PRKN: variants seen among roughly 807,000 people sequenced by gnomAD.
The protein encoded by PRKN is parkin RBR E3 ubiquitin protein ligase.
In PRKN, 56 loss-of-function variants were observed where a neutral mutation model predicts 59.5. The ratio of observed to expected loss-of-function variants is 0.94; its 90% CI spans 0.76 to 1.18. The LOEUF (loss-of-function observed/expected upper bound fraction) is 1.18, where lower values mean the gene tolerates loss of function less well. Among genes scored for constraint, PRKN ranks in the 50% most tolerant of loss-of-function variants. PRKN has a pLI of 0.00. For missense variants in PRKN, 657 were observed against 596.4 expected (o/e 1.10, Z -1.06); for synonymous variants, 250 against 222.1 (o/e 1.13, Z -1.12).
At chr6:161,746,839 T>C (rs1445378311) in intron 7 of PRKN, among the ~76,000 whole-genome samples, 2 of 149,352 alleles carry the variant, frequency 1.3e-5, no homozygotes, top group Non-Finnish European at 1.5e-5. Flanking sequence ...TATATGTATA[T>C]ATCTATATGT....
At chr6:162,109,366 A>G (rs61512221) in intron 4 of PRKN, among the ~76,000 whole-genome samples, 2,759 of 152,338 alleles carry the variant, frequency 0.018, 75 homozygotes, top group African/African-American at 0.063. Flanking sequence ...AAAATCCACT[A>G]GAAAATACAA....
At position 161,952,886 on chromosome 6, in the gene PRKN, G is replaced by C. The variant is rs114913944; in HGVS notation, c.734+20416C>G. Among the ~76,000 whole-genome samples the C allele has an allele frequency of 9.5e-3, 1,443 of 152,246 alleles. 30 individuals are homozygous for C. The highest frequency in any genetic ancestry group is 0.033 in the African/African-American group (1,356 of 41,546). ...AATTGAGGTAATCAGGAGGATCAAAGAATCACATGTATAAAACAATGAAAG... is the reference window on the plus strand; with the variant it reads ...AATTGAGGTAATCAGGAGGATCAAACAATCACATGTATAAAACAATGAAAG... On this transcript the variant is annotated intron_variant, in intron 6 of 11. Transcript: ENST00000366898.
At chr6:162,640,120 G>A (rs980844464) in intron 1 of PRKN, among the ~76,000 whole-genome samples, 3 of 152,046 alleles carry the variant, frequency 2.0e-5, no homozygotes, top group African/African-American at 7.2e-5. Flanking sequence ...TGAAGCTGAT[G>A]CTCTGTAAGC....
intron 1 of PRKN, among the ~76,000 whole-genome samples, chr6:162,695,507 T>TTA (rs1166196487): frequency 6.6e-6 from 1 of 152,170 alleles, no homozygotes; most frequent in Non-Finnish European, 1.5e-5. Context: ...AAACATTATA[T>TTA]ATCTTTACTT....
chr6:161,466,713 CA>C lies in PRKN; in HGVS notation c.1084-79837del, dbSNP rs200131087. Among the ~76,000 whole-genome samples, 2,763 of 152,264 alleles carry C rather than the reference CA, an allele frequency of 0.018. 58 individuals are homozygous for C. Among genetic ancestry groups the C allele is most frequent in the Middle Eastern group, 0.044 (13 of 294 alleles). On this transcript the variant is annotated intron_variant, in intron 9 of 11. Coordinates refer to ENST00000366898, the MANE Select transcript of PRKN (RefSeq NM_004562.3). This position sits in a 1 kb window ranked among gnomAD's most constrained non-coding sequence, Gnocchi z 5.0. ...GCTAGGGCAAACATCCACACACAGA[CA>C]CACAGACATACAAACAACCCAAGGA...
At chr6:162,608,582 A>G (rs1782013447) in intron 1 of PRKN, among the ~76,000 whole-genome samples, 1 of 152,220 alleles carries the variant, frequency 6.6e-6, no homozygotes, top group Non-Finnish European at 1.5e-5. Context: ...GCAAAAGGTT[A>G]AAGGACAAAT....
chr6:161,746,499 T>G (rs1398522400), intron 7 of PRKN, among the ~76,000 whole-genome samples: 2 of 149,946 alleles, frequency 1.3e-5, no homozygotes, highest in Non-Finnish European at 3.0e-5. Context: ...CGGAGAAAAA[T>G]CAACCCAGAA....
At chr6:161,728,535 G>A (rs980162003) in intron 7 of PRKN, among the ~76,000 whole-genome samples, 8 of 152,076 alleles carry the variant, frequency 5.3e-5, no homozygotes, top group African/African-American at 1.9e-4. Context: ...GGCTGCACAC[G>A]TACTGTACAA....
At chr6:162,663,407 GAAA>G (rs879312066) in intron 1 of PRKN, among the ~76,000 whole-genome samples, 1 of 135,778 alleles carries the variant, frequency 7.4e-6, no homozygotes, top group Non-Finnish European at 1.6e-5. Context: ...AACTGAACAG[GAAA>G]AAAAAAAAAA....
At chr6:161,797,030 C>T (rs1424241448) in intron 6 of PRKN, among the ~76,000 whole-genome samples, 1 of 152,132 alleles carries the variant, frequency 6.6e-6, no homozygotes, top group Non-Finnish European at 1.5e-5. Context: ...AACCTCATGA[C>T]AGGAAGAATT....
At chr6:161,627,462 T>TATA (rs1783131796) in intron 7 of PRKN, among the ~76,000 whole-genome samples, 1 of 152,182 alleles carries the variant, frequency 6.6e-6, no homozygotes, top group African/African-American at 2.4e-5. Flanking sequence ...AAAAACAGTG[T>TATA]TTACTATAAA....
intron 5 of PRKN, among the ~76,000 whole-genome samples, chr6:162,044,157 T>C (rs967189014): frequency 6.6e-6 from 1 of 152,218 alleles, no homozygotes; most frequent in Non-Finnish European, 1.5e-5. Context: ...GATTCTCTTT[T>C]ACTCTTTTTG....
intron 7 of PRKN, among the ~76,000 whole-genome samples, chr6:161,574,706 G>C (rs1032377701): frequency 2.6e-5 from 4 of 152,162 alleles, no homozygotes; most frequent in African/African-American, 7.2e-5. Context: ...GACTATAATA[G>C]AAGTGTTTGG....
chr6:162,202,831 G>A (rs1454224847), intron 3 of PRKN, among the ~76,000 whole-genome samples: 1 of 152,214 alleles, frequency 6.6e-6, no homozygotes, highest in African/African-American at 2.4e-5. Context: ...CACAAGAACT[G>A]TGACAATTCT....
At chr6:162,630,265 T>A (rs1783055827) in intron 1 of PRKN, among the ~76,000 whole-genome samples, 1 of 152,162 alleles carries the variant, frequency 6.6e-6, no homozygotes, top group African/African-American at 2.4e-5. Flanking sequence ...AATTCTTCCC[T>A]AAGCTTTATA....
At chr6:161,594,227 T>G (rs2128141570) in intron 7 of PRKN, among the ~76,000 whole-genome samples, 1 of 152,254 alleles carries the variant, frequency 6.6e-6, no homozygotes, top group African/African-American at 2.4e-5. Context: ...CAAATCAATT[T>G]AACACTCTTC....
At chr6:161,874,735 CTATATATAAAATATATAA>C (rs1275149992) in intron 6 of PRKN, among the ~76,000 whole-genome samples, 2 of 47,728 alleles carry the variant, frequency 4.2e-5, no homozygotes, top group African/African-American at 1.6e-4. Context: ...ATAAAATGTA[CTATATATAAAATATATAA>C]TATATATAAA....
At chr6:162,685,442 T>G (rs1463714035) in intron 1 of PRKN, among the ~76,000 whole-genome samples, 1 of 152,072 alleles carries the variant, frequency 6.6e-6, no homozygotes, top group Non-Finnish European at 1.5e-5. Flanking sequence ...TAATTTCACA[T>G]TAGAAATATG....
intron 2 of PRKN, among the ~76,000 whole-genome samples, chr6:162,284,940 T>C (rs1338177275): frequency 6.6e-6 from 1 of 152,132 alleles, no homozygotes; most frequent in Non-Finnish European, 1.5e-5. Context: ...GGTAACCAAG[T>C]TAAAATGTCA....
Sources: gnomAD v4.1 joint callset for allele counts (sites outside exome capture counted in the v4.1 genomes callset) on GRCh38, gnomAD v4.1.1 for gene constraint, Gnocchi (gnomAD v3.1) non-coding constraint, MANE v1.5 for transcripts, NCBI Gene and HGNC (gene_info 2026-07-23, HGNC 2026-07-21) for gene names.